MICU1: variants seen among roughly 807,000 people sequenced by gnomAD.
The protein encoded by MICU1 is calcium uptake protein 1, mitochondrial.
MICU1 carries 45 observed loss-of-function variants against 56.8 expected under a neutral mutation model. The observed-to-expected ratio is 0.79, with a 90% CI of 0.62 to 1.02. The LOEUF (loss-of-function observed/expected upper bound fraction) is 1.02, where lower values mean the gene tolerates loss of function less well. Among genes scored for constraint, MICU1 ranks in the 50% least tolerant of loss-of-function variants. The pLI, the probability that MICU1 is intolerant of heterozygous loss-of-function variation, is 0.00. For missense variants in MICU1, 504 were observed against 587.1 expected (o/e 0.86, Z 1.46); for synonymous variants, 186 against 195.1 (o/e 0.95, Z 0.39).
intron 1 of MICU1, among the ~76,000 whole-genome samples, chr10:72,613,638 A>C (rs1289960244): frequency 6.6e-6 from 1 of 152,058 alleles, no homozygotes; most frequent in African/African-American, 2.4e-5. Context: ...ACATAACTAC[A>C]TTATCAAATT....
chr10:72,570,181 G>A (rs1281828586), intron 1 of MICU1, among the ~76,000 whole-genome samples: 1 of 152,128 alleles, frequency 6.6e-6, no homozygotes, highest in Non-Finnish European at 1.5e-5. Flanking sequence ...CTGACCTCAA[G>A]TGATCTGCCC....
chr10:72,489,087 A>G (rs1329356506), intron 6 of MICU1, among the ~76,000 whole-genome samples: 1 of 152,100 alleles, frequency 6.6e-6, no homozygotes, highest in East Asian at 1.9e-4. Context: ...TTAGGCGTTC[A>G]AGACCAGCGT....
At chr10:72,427,929 CTG>C (rs1292984528) in intron 8 of MICU1, among the ~76,000 whole-genome samples, 1 of 152,028 alleles carries the variant, frequency 6.6e-6, no homozygotes, top group Non-Finnish European at 1.5e-5. Flanking sequence ...CTCAGAATAA[CTG>C]TGTTATGCCC....
At position 72,567,605 on chromosome 10, in the gene MICU1, T is replaced by A. The variant is rs574365008; in HGVS notation, c.-1-811A>T. ...CTCTGTGATGCCAGAACAAGTCATC[T>A]ACTGGACAACTCATGCCAGCGGAAT... On this transcript the variant is annotated intron_variant, in intron 1 of 11. Transcript: ENST00000361114. Among the ~76,000 whole-genome samples the A allele has an allele frequency of 3.9e-5, 6 of 152,326 alleles. No homozygotes were observed. In the South Asian group the frequency reaches 6.2e-4, roughly 16 times the overall value.
intron 6 of MICU1, among the ~76,000 whole-genome samples, chr10:72,500,274 A>ATATATATATT (rs1554881645): frequency 1.5e-3 from 14 of 9,500 alleles, no homozygotes; most frequent in African/African-American, 3.0e-3. Flanking sequence ...ATATATATAT[A>ATATATATATT]TATATATATA....
chr10:72,407,105 AG>A (rs1457137422), intron 10 of MICU1, among the ~76,000 whole-genome samples: 1 of 152,194 alleles, frequency 6.6e-6, no homozygotes, highest in African/African-American at 2.4e-5. Flanking sequence ...TACAGTACAA[AG>A]GTTGCCTCTT....
intron 8 of MICU1, among the ~76,000 whole-genome samples, chr10:72,460,842 G>GA (rs943993065): frequency 6.6e-6 from 1 of 151,372 alleles, no homozygotes; most frequent in African/African-American, 2.4e-5. Context: ...GTTAAAAGAA[G>GA]AAAAAAAAGC....
At chr10:72,438,295 AC>A in intron 8 of MICU1, among the ~76,000 whole-genome samples, 1 of 152,376 alleles carries the variant, frequency 6.6e-6, no homozygotes, top group East Asian at 1.9e-4. Flanking sequence ...CTCCTGAATG[AC>A]TACTGGGTAA....
chr10:72,424,842 G>T (rs1195426451), intron 8 of MICU1, among the ~76,000 whole-genome samples: 1 of 152,166 alleles, frequency 6.6e-6, no homozygotes, highest in Non-Finnish European at 1.5e-5. Flanking sequence ...AACTTATACA[G>T]CCATGGGGCT....
chr10:72,550,065 T>TA (rs1839996850), intron 4 of MICU1, among the ~76,000 whole-genome samples: 1 of 152,142 alleles, frequency 6.6e-6, no homozygotes, highest in Admixed American at 6.5e-5. Context: ...ATAATTGAGC[T>TA]AAAAATTCCT....
intron 10 of MICU1, among the ~76,000 whole-genome samples, chr10:72,383,885 G>A (rs1394229078): frequency 6.6e-6 from 1 of 151,950 alleles, no homozygotes; most frequent in Non-Finnish European, 1.5e-5. Context: ...TGCAACCTCT[G>A]CCTCCTGGGC....
rs1333036502 is a variant in MICU1 at position 72,561,694 on chromosome 10, C to T, written c.330+1201G>A. 2.6e-5 allele frequency among the ~76,000 whole-genome samples: 4 copies of T among 152,280 alleles called. No homozygotes were observed. The East Asian group carries it at 7.7e-4, about 29-fold the overall frequency. On this transcript the variant is annotated intron_variant, in intron 3 of 11. Coordinates refer to ENST00000361114, the MANE Select transcript of MICU1 (RefSeq NM_001195518.2). ...GGGCATGGTGGTGCATGCCTGTAAT[C>T]CCAGCTATTGGGAAGCTGAGGCAGG...
At chr10:72,387,015 G>C (rs1862914622) in intron 10 of MICU1, among the ~76,000 whole-genome samples, 1 of 152,138 alleles carries the variant, frequency 6.6e-6, no homozygotes, top group Non-Finnish European at 1.5e-5. Flanking sequence ...TTCAAGTCTT[G>C]CTCTTACTTC....
chr10:72,380,004 A>G (rs907749091), intron 10 of MICU1, among the ~76,000 whole-genome samples: 1 of 152,164 alleles, frequency 6.6e-6, no homozygotes, highest in Admixed American at 6.5e-5. Context: ...GAGTGGGATG[A>G]CGGCAGATTA....
chr10:72,444,198 A>C (rs1453621878), intron 8 of MICU1, among the ~76,000 whole-genome samples: 35 of 151,314 alleles, frequency 2.3e-4, no homozygotes, highest in Admixed American at 1.4e-3. Flanking sequence ...CAGGAGGGGG[A>C]ACATCACACT....
chr10:72,373,266 A>G (rs1471428752), intron 11 of MICU1, among the ~76,000 whole-genome samples: 5 of 151,722 alleles, frequency 3.3e-5, no homozygotes, highest in African/African-American at 4.8e-5. Flanking sequence ...TACAGTCTCA[A>G]ACTCCTGGGC....
chr10:72,456,612 T>C (rs1032404690), intron 8 of MICU1, among the ~76,000 whole-genome samples: 1 of 152,338 alleles, frequency 6.6e-6, no homozygotes, highest in East Asian at 1.9e-4. Flanking sequence ...GCTAAGCTGC[T>C]TGTAGATTCT....
chr10:72,551,740 CT>C (rs535224429), intron 3 of MICU1, among the ~76,000 whole-genome samples: 34 of 152,140 alleles, frequency 2.2e-4, no homozygotes, highest in African/African-American at 7.2e-4. Flanking sequence ...AATACCAAGT[CT>C]TTTTTTCTAT....
Position 72,551,317 on chromosome 10 carries a change from G to C in MICU1, c.355C>G (p.Arg119Gly), listed in dbSNP as rs538329212. The stretch of plus-strand genomic sequence containing the variant: ...ATTTTGTCTGGCGTGGAGTAGGCTC[G>C]AATCCTATTCTCATATTCCATCACC... ...RKVMEYENRI[R>G]AYSTPDKIFR... The change falls in exon 4 of 12, where the codon CGA becomes GGA. Residue 119 changes from arginine to glycine, a missense_variant. By Grantham distance (125) the Arg-to-Gly change is moderately radical. Transcript: ENST00000361114. 2.1e-5 allele frequency: 34 copies of C among 1,611,088 alleles called. No homozygotes were observed. The highest frequency in any genetic ancestry group is 2.8e-5 in the Non-Finnish European group (33 of 1,178,762).
Sources: gnomAD v4.1 joint callset for allele counts (sites outside exome capture counted in the v4.1 genomes callset) on GRCh38, gnomAD v4.1.1 for gene constraint, MANE v1.5 for transcripts, NCBI Gene and HGNC (gene_info 2026-07-23, HGNC 2026-07-21) for gene names.